Variants in JAK2 observed in about 807,000 individuals in gnomAD.
JAK2 encodes tyrosine-protein kinase JAK2.
In JAK2, 86 loss-of-function variants were observed where a neutral mutation model predicts 139.3. That is an observed-to-expected ratio of 0.62 (90% CI 0.52 to 0.74). The LOEUF is 0.74. JAK2 is among the 30% of genes least tolerant of loss of function. JAK2 has a pLI of 0.00. For synonymous variants in JAK2, 490 were observed against 437.7 expected (o/e 1.12, Z -1.49); for missense variants, 1,421 against 1,360.3 (o/e 1.04, Z -0.70).
intron 6 of JAK2, among the ~76,000 whole-genome samples, chr9:5,051,035 A>AC (rs1258924067): frequency 5.9e-5 from 9 of 152,106 alleles, no homozygotes; most frequent in African/African-American, 2.2e-4. Context: ...CCAGTTGAGC[A>AC]CCCCTAATCC....
At chr9:5,096,945 T>G (rs1821044033) in intron 22 of JAK2, 1 of 152,162 alleles carries the variant, frequency 6.6e-6, no homozygotes, top group South Asian at 2.1e-4. Context: ...TGATATGGCA[T>G]TTCCACGGAT....
chr9:5,093,620 G>T (rs1820752867), intron 22 of JAK2, among the ~76,000 whole-genome samples: 1 of 151,992 alleles, frequency 6.6e-6, no homozygotes, highest in Non-Finnish European at 1.5e-5. Context: ...TTTTGGTTGG[G>T]GTGACCTCAT....
intron 2 of JAK2, among the ~76,000 whole-genome samples, chr9:5,012,349 CT>C (rs1274458243): frequency 3.3e-5 from 5 of 151,986 alleles, no homozygotes; most frequent in Admixed American, 6.6e-5. Flanking sequence ...TTGACAATGC[CT>C]TCAAATGGTG....
chr9:5,112,604 G>C (rs962119680), intron 22 of JAK2: 1 of 812,232 alleles, frequency 1.2e-6, no homozygotes, highest in Non-Finnish European at 1.9e-6. Flanking sequence ...TAAGGAGCTG[G>C]GGCGCATGTG....
chr9:5,084,130 G>C (rs905415701), intron 19 of JAK2, among the ~76,000 whole-genome samples: 12 of 152,080 alleles, frequency 7.9e-5, no homozygotes, highest in African/African-American at 2.9e-4. Flanking sequence ...AAATTGAAGA[G>C]ACTCTAAGGA....
rs1227738511 is a variant in JAK2 at position 5,045,057 on chromosome 9, TG to T, written c.468+538del. Among the ~76,000 whole-genome samples, 4 of 152,236 alleles carry T rather than the reference TG, an allele frequency of 2.6e-5. No homozygotes were observed. In the East Asian group the frequency reaches 7.7e-4, roughly 29 times the overall value. On this transcript the variant is annotated intron_variant, in intron 5 of 24. Coordinates refer to ENST00000381652, the MANE Select transcript of JAK2 (RefSeq NM_004972.4). ...CACTAATACAGTTATGTCAAATTTTTGTATTGTGTTGGTATTTCATAATGCT... is the reference window on the plus strand; with the variant it reads ...CACTAATACAGTTATGTCAAATTTTTTATTGTGTTGGTATTTCATAATGCT...
intron 2 of JAK2, among the ~76,000 whole-genome samples, chr9:4,991,844 C>T (rs1820273417): frequency 6.6e-6 from 1 of 152,186 alleles, no homozygotes; most frequent in Non-Finnish European, 1.5e-5. Context: ...AGCTCATCCC[C>T]TTTGCCTTCA....
intron 3 of JAK2, among the ~76,000 whole-genome samples, chr9:5,027,336 G>A (rs538429714): frequency 1.3e-5 from 2 of 152,288 alleles, no homozygotes; most frequent in South Asian, 4.1e-4. Flanking sequence ...TCTGTAGTCT[G>A]TTAAGTATGC....
At chr9:5,114,563 C>G (rs1429801990) in intron 22 of JAK2, 1 of 489,152 alleles carries the variant, frequency 2.0e-6, no homozygotes, top group Non-Finnish European at 4.0e-6. Context: ...CCTGCCTGAT[C>G]CAGAACTTCT....
chr9:5,098,839 G>T (rs1239632277), intron 22 of JAK2: 2 of 151,252 alleles, frequency 1.3e-5, no homozygotes, highest in African/African-American at 4.9e-5. Flanking sequence ...GACTACAGGC[G>T]ACCGCCACCA....
intron 9 of JAK2, among the ~76,000 whole-genome samples, chr9:5,066,084 G>C (rs902611279): frequency 1.3e-5 from 2 of 152,000 alleles, no homozygotes; most frequent in Admixed American, 6.6e-5. Flanking sequence ...GCATTGGTTT[G>C]TATATTAGAA....
At position 5,123,126 on chromosome 9, in the gene JAK2, G is replaced by T; in HGVS notation, c.3177+5G>T. The T allele has an allele frequency of 1.3e-6, 2 of 1,547,570 alleles. No homozygotes were observed. Among genetic ancestry groups the T allele is most frequent in the Non-Finnish European group, 1.8e-6 (2 of 1,135,476 alleles). ...AAGAGTAAAAGTCCACCAGCGGTCA[G>T]TGTGCTTTTTATTTACTTTCAGTTT... On this transcript the variant is annotated splice_donor_5th_base_variant and intron_variant, in intron 23 of 24. Coordinates refer to ENST00000381652, the MANE Select transcript of JAK2 (RefSeq NM_004972.4).
chr9:5,042,471 C>T (rs562552978), intron 4 of JAK2, among the ~76,000 whole-genome samples: 38 of 152,246 alleles, frequency 2.5e-4, no homozygotes, highest in Admixed American at 2.0e-3. Context: ...TGTGTCTAGT[C>T]CTCCCCTCCA....
chr9:5,010,540 C>T (rs970656863), intron 2 of JAK2, among the ~76,000 whole-genome samples: 3 of 152,094 alleles, frequency 2.0e-5, no homozygotes, highest in Non-Finnish European at 4.4e-5. Context: ...AGGTTGGTCT[C>T]GAACTCCTGA....
chr9:5,001,488 T>C (rs905911935), intron 2 of JAK2, among the ~76,000 whole-genome samples: 5 of 152,192 alleles, frequency 3.3e-5, no homozygotes, highest in Admixed American at 6.5e-5. Flanking sequence ...GTAAATTGCA[T>C]TGATTCATTT....
In JAK2 at chr9:5,081,772, G is replaced by A. The variant is rs1372361863; in HGVS notation, c.2482G>A (p.Gly828Ser). 1 of 1,603,792 alleles carries A rather than the reference G, an allele frequency of 6.2e-7. No homozygotes were observed. Among genetic ancestry groups the A allele is most frequent in the Non-Finnish European group, 8.5e-7 (1 of 1,170,706 alleles). Residue 828 changes from glycine to serine, a missense_variant, in exon 19 of 25, where the codon GGT (glycine) becomes AGT (serine). Coordinates refer to ENST00000381652, the MANE Select transcript of JAK2 (RefSeq NM_004972.4). ...TGACATGTTACCAAATATGAGGATA[G>A]GTGCCCTGGGGTTTTCTGGTGCCTT... ...ENDMLPNMRI[G>S]ALGFSGAFED...
At chr9:5,038,380 C>G (rs930275747) in intron 4 of JAK2, among the ~76,000 whole-genome samples, 4 of 151,994 alleles carry the variant, frequency 2.6e-5, no homozygotes, top group Non-Finnish European at 5.9e-5. Context: ...TAGTTATTCA[C>G]AAAAAATAGA....
chr9:5,058,355 C>A (rs1328095555), intron 8 of JAK2, among the ~76,000 whole-genome samples: 3 of 152,160 alleles, frequency 2.0e-5, no homozygotes, highest in African/African-American at 7.2e-5. Flanking sequence ...GAAGCCATGT[C>A]TTACATGGCA....
At chr9:5,007,508 A>G (rs1160401015) in intron 2 of JAK2, among the ~76,000 whole-genome samples, 2 of 152,104 alleles carry the variant, frequency 1.3e-5, no homozygotes, top group Non-Finnish European at 2.9e-5. Flanking sequence ...TTTTCAATGC[A>G]TACGTGAGTT....
Sources: gnomAD v4.1 joint callset for allele counts (sites outside exome capture counted in the v4.1 genomes callset) on GRCh38, gnomAD v4.1.1 for gene constraint, MANE v1.5 for transcripts, NCBI Gene and HGNC (gene_info 2026-07-23, HGNC 2026-07-21) for gene names.